The following CCDC137 variants were observed in gnomAD, a reference collection of about 807,000 sequenced individuals.
CCDC137 encodes coiled-coil domain-containing protein 137.
Under a neutral mutation model 30.4 loss-of-function variants are expected in CCDC137, and 24 were observed. That is an observed-to-expected ratio of 0.79 (90% CI 0.57 to 1.11). The LOEUF is 1.11. CCDC137 is among the 50% of genes least tolerant of loss of function. The pLI, the probability that CCDC137 is intolerant of heterozygous loss-of-function variation, is 0.00. For synonymous variants in CCDC137, 182 were observed against 155.7 expected (o/e 1.17, Z -1.26); for missense variants, 417 against 380.4 (o/e 1.10, Z -0.80).
intron 3 of CCDC137, chr17:81,671,469 G>A (rs1458941705): frequency 1.8e-5 from 8 of 449,884 alleles, no homozygotes; most frequent in Admixed American, 7.0e-5. Flanking sequence ...CCTTGCCCAC[G>A]TGTCTGCACA....
chr17:81,669,253 C>T (rs1260902640), intron 2 of CCDC137, among the ~76,000 whole-genome samples: 1 of 150,512 alleles, frequency 6.6e-6, no homozygotes, highest in Non-Finnish European at 1.5e-5. Context: ...TCAAGCAAGT[C>T]TTGTGCCTCA....
intron 2 of CCDC137, 175 bp from the exon 3 acceptor site, chr17:81,670,050 A>G: frequency 1.7e-6 from 1 of 602,968 alleles, no homozygotes; most frequent in Admixed American, 3.0e-5. Context: ...CTGGGGGGTC[A>G]CGTCCCCGGG....
intron 4 of CCDC137, 117 bp downstream of exon 4, chr17:81,671,943 CAGCCATT>C: frequency 6.9e-7 from 1 of 1,454,354 alleles, no homozygotes; most frequent in Non-Finnish European, 9.6e-7. Context: ...CTGGGGTCCA[CAGCCATT>C]AGACCACTGG....
chr17:81,672,023 CAG>C (rs1391742651), intron 4 of CCDC137, 51 bp from the exon 5 acceptor site: 43 of 1,596,628 alleles, frequency 2.7e-5, no homozygotes, highest in South Asian at 9.9e-5. Context: ...CTCTGGGTGT[CAG>C]GGGTGCAGTG....
In CCDC137 at chr17:81,672,666, C is replaced by G. The variant is rs757342170; in HGVS notation, c.832C>G (p.His278Asp). Residue 278 changes from histidine to aspartate, a missense_variant, in exon 6 of 6, where the codon CAC becomes GAC. Coordinates refer to ENST00000329214, the MANE Select transcript of CCDC137 (RefSeq NM_199287.3). Reference protein sequence around the residue: ...RQQQLHGERPHLTSRKKPEPQ... With the variant: ...RQQQLHGERPDLTSRKKPEPQ... ...GCAGCAGCTGCACGGGGAGCGACCCCACCTCACTTCCCGGAAGAAGCCAGA... is the reference window on the plus strand; with the variant it reads ...GCAGCAGCTGCACGGGGAGCGACCCGACCTCACTTCCCGGAAGAAGCCAGA... 3.7e-6 allele frequency: 6 copies of G among 1,600,728 alleles called. No homozygotes were observed. The highest frequency in any genetic ancestry group is 5.1e-6 in the Non-Finnish European group (6 of 1,174,632).
Position 81,672,961 on chromosome 17 carries a change from C to T in CCDC137, c.*257C>T. 2 of 536,756 alleles carry T rather than the reference C, an allele frequency of 3.7e-6. No individual in the cohort carries two copies. The highest frequency in any genetic ancestry group is 2.4e-5 in the South Asian group (1 of 42,088). 33.2% of individuals were successfully genotyped at this position (536,756 alleles called of 1,614,324 possible). On this transcript the variant is annotated 3_prime_UTR_variant, in exon 6 of 6. Transcript: ENST00000329214. ...CATCTCTTTGTTTTGAACGTCCATT[C>T]TGAGTCTCAGCCCAGGTGGACCTTA... is the stretch of plus-strand genomic sequence containing the variant.
chr17:81,667,218 G>A (rs1015066717), intron 1 of CCDC137, among the ~76,000 whole-genome samples: 5 of 152,182 alleles, frequency 3.3e-5, no homozygotes, highest in African/African-American at 1.2e-4. Context: ...GGGGTTCAGG[G>A]ACAGCCACTG....
chr17:81,673,106 G>A lies in CCDC137; in HGVS notation c.*402G>A, dbSNP rs1438531370. 9.1e-6 allele frequency: 2 copies of A among 219,554 alleles called. No individual in the cohort carries two copies. The highest frequency in any genetic ancestry group is 2.3e-5 in the African/African-American group (1 of 43,684). The allele number at this position is 219,554 out of a possible 1,614,324, so 13.6% of individuals were successfully genotyped here. A position where few individuals can be genotyped will look rare whatever the true frequency, so the allele number is the denominator to read the frequency against. On this transcript the variant is annotated 3_prime_UTR_variant, in exon 6 of 6. Transcript: ENST00000329214. ...CCGAGCGTACAGTGCACATCAGGCA[G>A]AGCAGGCCACGGGCAGGGACGACGC...
intron 3 of CCDC137, 60 bp downstream of exon 3, chr17:81,670,513 T>C: frequency 1.4e-6 from 2 of 1,445,130 alleles, no homozygotes; most frequent in Non-Finnish European, 1.9e-6. Context: ...GACATTGGGT[T>C]CCCATGACGG....
At position 81,666,828 on chromosome 17, in the gene CCDC137, G is replaced by T; in HGVS notation, c.62G>T (p.Arg21Leu). Residue 21 changes from arginine to leucine, a missense_variant, in exon 1 of 6, where the codon CGG (arginine) becomes CTG (leucine). Arg to Leu is a moderately radical substitution (Grantham distance 102). Transcript: ENST00000329214. ...GTGCAGGCGGGTCCTGGGAGTCCCC[G>T]GCGAGCGCGGGGGCGGCAGCAAGTG... ...SRVQAGPGSP[R>L]RARGRQQVQP... 1 of 1,349,746 alleles carries T rather than the reference G, an allele frequency of 7.4e-7. No individual in the cohort carries two copies. 83.6% of individuals were successfully genotyped at this position (1,349,746 alleles called of 1,614,324 possible).
In CCDC137 at chr17:81,667,101, G is replaced by T. The variant is rs987358530; in HGVS notation, c.134+201G>T. The stretch of plus-strand genomic sequence containing the variant: ...GAGGCGCGAGCGAGTCCTTGGTTTT[G>T]CCTTTCCCGCGTCCCAGTGTCCCGT... On this transcript the variant is annotated intron_variant, in intron 1 of 5. Coordinates refer to ENST00000329214, the MANE Select transcript of CCDC137 (RefSeq NM_199287.3). 1.2e-5 allele frequency: 6 copies of T among 501,416 alleles called. No homozygotes were observed. In the East Asian group the frequency reaches 2.1e-4, roughly 18 times the overall value. The allele number at this position is 501,416 out of a possible 1,614,324, so 31.1% of individuals were successfully genotyped here. A position where few individuals can be genotyped will look rare whatever the true frequency, so the allele number is the denominator to read the frequency against.
chr17:81,673,080 G>A lies in CCDC137; in HGVS notation c.*376G>A, dbSNP rs1019009989. 3 of 297,604 alleles carry A rather than the reference G, an allele frequency of 1.0e-5. No individual in the cohort carries two copies. Among genetic ancestry groups the A allele is most frequent in the Non-Finnish European group, 6.4e-6 (1 of 155,570 alleles). The allele number at this position is 297,604 out of a possible 1,614,324, so 18.4% of individuals were successfully genotyped here. A position where few individuals can be genotyped will look rare whatever the true frequency, so the allele number is the denominator to read the frequency against. ...ACGGAGGCCCCCGGGAGTCAGCAGAGCCGAGCGTACAGTGCACATCAGGCA... is the reference window on the plus strand; with the variant it reads ...ACGGAGGCCCCCGGGAGTCAGCAGAACCGAGCGTACAGTGCACATCAGGCA... On this transcript the variant is annotated 3_prime_UTR_variant, in exon 6 of 6. Coordinates refer to ENST00000329214, the MANE Select transcript of CCDC137 (RefSeq NM_199287.3).
chr17:81,666,985 G>A lies in CCDC137; in HGVS notation c.134+85G>A, dbSNP rs2036640976. On this transcript the variant is annotated intron_variant, in intron 1 of 5. Transcript: ENST00000329214. ...CTCCGCCCGGGACCCCCTAGGGAGCGTTCGCTCGGACCCCTTCCCCAGGTC... is the reference window on the plus strand; with the variant it reads ...CTCCGCCCGGGACCCCCTAGGGAGCATTCGCTCGGACCCCTTCCCCAGGTC... 8.2e-6 allele frequency: 10 copies of A among 1,221,772 alleles called. No homozygotes were observed. The South Asian group carries it at 3.5e-4, about 43-fold the overall frequency. The allele number at this position is 1,221,772 out of a possible 1,614,324, so 75.7% of individuals were successfully genotyped here. A position where few individuals can be genotyped will look rare whatever the true frequency, so the allele number is the denominator to read the frequency against.
At chr17:81,667,142 C>T (rs191017988) in intron 1 of CCDC137, 70 of 406,874 alleles carry the variant, frequency 1.7e-4, no homozygotes, top group African/African-American at 1.1e-3. Context: ...TGGTTCTGGA[C>T]GAGGTCAGGG....
At chr17:81,667,899 T>C in intron 2 of CCDC137, 37 bp downstream of exon 2, 3 of 1,602,948 alleles carry the variant, frequency 1.9e-6, no homozygotes, top group Non-Finnish European at 2.6e-6. Flanking sequence ...AGTGAAGCTT[T>C]GTGTGTCTCA....
chr17:81,670,284 G>A lies in CCDC137; in HGVS notation c.328G>A (p.Ala110Thr), dbSNP rs201889148. The change falls in exon 3 of 6, where the codon GCA (alanine) becomes ACA (threonine). Residue 110 changes from alanine (A) to threonine (T), a missense_variant. By Grantham distance (58) the Ala-to-Thr change is moderately conservative. Coordinates refer to ENST00000329214, the MANE Select transcript of CCDC137 (RefSeq NM_199287.3). ...KEAKGEEPDI[A>T]VPKFKQRKGE... Reference sequence around the variant, plus strand: ...AGCAAAGGGAGAGGAGCCCGACATCGCAGTCCCCAAGTTCAAACAGAGGAA... The same window carrying A: ...AGCAAAGGGAGAGGAGCCCGACATCACAGTCCCCAAGTTCAAACAGAGGAA... The A allele has an allele frequency of 1.3e-3, 2,144 of 1,614,010 alleles. 2 individuals are homozygous for A. Among genetic ancestry groups the A allele is most frequent in the Non-Finnish European group, 1.7e-3 (1,956 of 1,180,028 alleles).
Position 81,672,819 on chromosome 17 carries a change from C to A in CCDC137, c.*115C>A. On this transcript the variant is annotated 3_prime_UTR_variant, in exon 6 of 6. Transcript: ENST00000329214. Reference sequence around the variant, plus strand: ...CAGTGTGGGGTGAGGCCTCCAGCTACTTGTTCACACGTTGGGCACTAGTGG... The same window carrying A: ...CAGTGTGGGGTGAGGCCTCCAGCTAATTGTTCACACGTTGGGCACTAGTGG... The A allele has an allele frequency of 1.0e-6, 1 of 975,876 alleles. No individual in the cohort carries two copies. The highest frequency in any genetic ancestry group is 1.5e-6 in the Non-Finnish European group (1 of 674,240). 60.5% of individuals were successfully genotyped at this position (975,876 alleles called of 1,614,324 possible).
chr17:81,671,801 C>T lies in CCDC137; in HGVS notation c.555C>T (p.Asp185=), dbSNP rs374985071. 126 of 1,613,220 alleles carry T rather than the reference C, an allele frequency of 7.8e-5. No homozygotes were observed. The highest frequency in any genetic ancestry group is 1.6e-4 in the Middle Eastern group (1 of 6,082). Residue 185 remains aspartate (D), a synonymous_variant, in exon 4 of 6, where the codon GAC becomes GAT. Coordinates refer to ENST00000329214, the MANE Select transcript of CCDC137 (RefSeq NM_199287.3). ...GGAAAAAGGAGGAAAAGGCGGCAGACAGGCTGGAGCAGGAGTTGCTCCGAG... is the reference window on the plus strand; with the variant it reads ...GGAAAAAGGAGGAAAAGGCGGCAGATAGGCTGGAGCAGGAGTTGCTCCGAG... ...VRRKKEEKAA[D]RLEQELLRDT...
At chr17:81,668,880 TG>T (rs1479274103) in intron 2 of CCDC137, among the ~76,000 whole-genome samples, 4 of 136,618 alleles carry the variant, frequency 2.9e-5, no homozygotes, top group Admixed American at 7.1e-5. Flanking sequence ...TTTTTGTGTG[TG>T]GTTTTTTTTT....
Sources: allele counts gnomAD v4.1 joint callset (sites outside exome capture counted in the v4.1 genomes callset), GRCh38; gene constraint gnomAD v4.1.1; transcripts MANE v1.5; gene names NCBI Gene and HGNC (gene_info 2026-07-23, HGNC 2026-07-21).